The following EXOC6B variants were observed in gnomAD, a reference collection of about 807,000 sequenced individuals.
EXOC6B encodes the protein SEC15 homolog B.
In EXOC6B, 54 loss-of-function variants were observed where a neutral mutation model predicts 113.5. That is an observed-to-expected ratio of 0.48 (90% CI 0.38 to 0.60). EXOC6B has a LOEUF of 0.60. Ranked by LOEUF, EXOC6B falls within the 20% of genes least tolerant of loss-of-function variation. The pLI, the probability that EXOC6B is intolerant of heterozygous loss-of-function variation, is 0.00. For missense variants in EXOC6B, 797 were observed against 977.5 expected (o/e 0.82, Z 2.46); for synonymous variants, 357 against 339.0 (o/e 1.05, Z -0.58).
chr2:72,194,354 G>C (rs760092182), intron 20 of EXOC6B, among the ~76,000 whole-genome samples: 6 of 152,126 alleles, frequency 3.9e-5, no homozygotes, highest in Non-Finnish European at 8.8e-5. Flanking sequence ...GTGAAGAGAG[G>C]AGATTAACTA....
chr2:72,718,240 G>A lies in EXOC6B; in HGVS notation c.532C>T (p.Arg178Ter). Reference protein sequence around the residue: ...HTYLPQVSHYRFCKVMVDNIP... With the variant: ...HTYLPQVSHY ...TTGTCCACCATCACCTTGCAGAATCGATAGTGGCTTACTTGAGGCAGGTAG... is the reference window on the plus strand; with the variant it reads ...TTGTCCACCATCACCTTGCAGAATCAATAGTGGCTTACTTGAGGCAGGTAG... Residue 178 changes from arginine to a stop codon, truncating the protein, a stop_gained, in exon 6 of 22, where the codon CGA (arginine) becomes TGA (stop). Transcript: ENST00000272427. LOFTEE classifies it high-confidence loss of function. The A allele has an allele frequency of 6.2e-7, 1 of 1,613,774 alleles. No homozygotes were observed. Among genetic ancestry groups the A allele is most frequent in the Non-Finnish European group, 8.5e-7 (1 of 1,179,770 alleles).
intron 6 of EXOC6B, among the ~76,000 whole-genome samples, chr2:72,712,812 T>C (rs925778585): frequency 6.6e-6 from 1 of 152,212 alleles, no homozygotes; most frequent in Non-Finnish European, 1.5e-5. Flanking sequence ...TTTAGAATTC[T>C]GTTTAACACA....
Position 72,264,402 on chromosome 2 carries a change from C to T in EXOC6B, c.2196+70545G>A, listed in dbSNP as rs923393626. The stretch of plus-strand genomic sequence containing the variant: ...CCTGGCCAGCATGGTGAAACCCCGT[C>T]TCTACAAAAATACAAAAAATTAGCC... On this transcript the variant is annotated intron_variant, in intron 20 of 21. Coordinates refer to ENST00000272427, the MANE Select transcript of EXOC6B (RefSeq NM_015189.3). 5.3e-5 allele frequency among the ~76,000 whole-genome samples: 8 copies of T among 152,100 alleles called. No homozygotes were observed. In the East Asian group the frequency reaches 1.5e-3, roughly 29 times the overall value.
chr2:72,683,033 C>T (rs1310630171), intron 6 of EXOC6B, among the ~76,000 whole-genome samples: 1 of 152,158 alleles, frequency 6.6e-6, no homozygotes, highest in East Asian at 1.9e-4. Context: ...CAACATTTGA[C>T]AATCTTGTTA....
At chr2:72,285,794 AAAAC>A (rs1216186766) in intron 20 of EXOC6B, among the ~76,000 whole-genome samples, 2 of 152,152 alleles carry the variant, frequency 1.3e-5, no homozygotes, top group East Asian at 1.9e-4. Flanking sequence ...GCACAATAAA[AAAAC>A]AAACAATCCA....
intron 7 of EXOC6B, among the ~76,000 whole-genome samples, chr2:72,574,994 C>T (rs1704740902): frequency 6.6e-6 from 1 of 152,194 alleles, no homozygotes. Context: ...CCCAGTTACC[C>T]TGTAATCACT....
rs73943195 is a variant in EXOC6B at position 72,533,926 on chromosome 2, C to A, written c.916-18800G>T. On this transcript the variant is annotated intron_variant, in intron 8 of 21. Transcript: ENST00000272427. ...AGGTTTCGAATATGACTCATAAGAA[C>A]AGGCTTTGATCCAAGTTTTGCCAGT... Among the ~76,000 whole-genome samples, 1,175 of 152,224 alleles carry A rather than the reference C, an allele frequency of 7.7e-3. 9 individuals carry two copies. The highest frequency in any genetic ancestry group is 0.025 in the African/African-American group (1,056 of 41,548).
At chr2:72,689,274 T>C (rs1677314904) in intron 6 of EXOC6B, among the ~76,000 whole-genome samples, 5 of 152,172 alleles carry the variant, frequency 3.3e-5, no homozygotes, top group Admixed American at 3.3e-4. Flanking sequence ...AACCAGAGCA[T>C]CCTTTTAGGT....
intron 20 of EXOC6B, among the ~76,000 whole-genome samples, chr2:72,331,977 C>T (rs563210904): frequency 3.8e-4 from 58 of 152,196 alleles, no homozygotes; most frequent in African/African-American, 1.3e-3. Flanking sequence ...AAATATTCCA[C>T]ATTTTGAATA....
chr2:72,590,869 T>C (rs943668500), intron 6 of EXOC6B, among the ~76,000 whole-genome samples: 2 of 151,956 alleles, frequency 1.3e-5, no homozygotes, highest in African/African-American at 2.4e-5. Context: ...AACCATAATC[T>C]AGCTTATAAC....
At chr2:72,647,653 A>T (rs1673838620) in intron 6 of EXOC6B, among the ~76,000 whole-genome samples, 1 of 152,216 alleles carries the variant, frequency 6.6e-6, no homozygotes, top group Non-Finnish European at 1.5e-5. Context: ...GAGCTTTGAC[A>T]AACCTGACAA....
chr2:72,229,142 A>G (rs1389774577), intron 20 of EXOC6B, among the ~76,000 whole-genome samples: 1 of 152,076 alleles, frequency 6.6e-6, no homozygotes, highest in Non-Finnish European at 1.5e-5. Context: ...ATTTGTTTCA[A>G]ATAAATCTCA....
intron 11 of EXOC6B, 45 bp downstream of exon 11, chr2:72,513,087 G>T (rs777311063): frequency 1.2e-6 from 2 of 1,603,892 alleles, no homozygotes; most frequent in Non-Finnish European, 1.7e-6. Context: ...TGAATATATA[G>T]ATAATCAGCT....
At chr2:72,772,999 T>C (rs1010778356) in intron 1 of EXOC6B, among the ~76,000 whole-genome samples, 12 of 151,904 alleles carry the variant, frequency 7.9e-5, no homozygotes, top group African/African-American at 2.9e-4. Flanking sequence ...AAAAGAAATG[T>C]AGAGAGCTAC....
chr2:72,444,914 C>T (rs1408030072), intron 18 of EXOC6B, among the ~76,000 whole-genome samples: 1 of 152,234 alleles, frequency 6.6e-6, no homozygotes, highest in East Asian at 1.9e-4. Context: ...TGGGGATTAA[C>T]ATAGGGATCC....
intron 11 of EXOC6B, among the ~76,000 whole-genome samples, chr2:72,505,346 C>T (rs944106284): frequency 1.3e-5 from 2 of 152,056 alleles, no homozygotes; most frequent in Non-Finnish European, 2.9e-5. Flanking sequence ...CCTCCTATGC[C>T]ACCGACCTCC....
At chr2:72,667,672 T>G (rs963101493) in intron 6 of EXOC6B, among the ~76,000 whole-genome samples, 1 of 152,208 alleles carries the variant, frequency 6.6e-6, no homozygotes, top group Non-Finnish European at 1.5e-5. Flanking sequence ...GTTACCCATA[T>G]GCAGAAGAAT....
intron 8 of EXOC6B, among the ~76,000 whole-genome samples, chr2:72,550,924 T>A (rs34030372): frequency 0.24 from 34,737 of 145,964 alleles, 6,867 homozygotes; most frequent in African/African-American, 0.58. Flanking sequence ...TTTTTATTTT[T>A]TTTTTTTTTT....
chr2:72,726,351 G>T (rs894836704), intron 5 of EXOC6B, among the ~76,000 whole-genome samples: 3 of 152,120 alleles, frequency 2.0e-5, no homozygotes, highest in African/African-American at 7.2e-5. Context: ...AATGATGAAT[G>T]TTATGATATA....
Sources: allele counts gnomAD v4.1 joint callset (sites outside exome capture counted in the v4.1 genomes callset), GRCh38; gene constraint gnomAD v4.1.1; transcripts MANE v1.5; gene names NCBI Gene and HGNC (gene_info 2026-07-23, HGNC 2026-07-21).